The following GPC5 variants were observed in gnomAD, a reference collection of about 807,000 sequenced individuals.
The protein encoded by GPC5 is glypican-5.
Under a neutral mutation model 53.9 loss-of-function variants are expected in GPC5, and 47 were observed. The observed-to-expected ratio is 0.87, with a 90% CI of 0.69 to 1.11. GPC5 has a LOEUF of 1.11. Ranked by LOEUF, GPC5 falls within the 50% of genes most tolerant of loss-of-function variation. GPC5 has a pLI of 0.00. For synonymous variants in GPC5, 286 were observed against 263.3 expected (o/e 1.09, Z -0.84); for missense variants, 748 against 713.1 (o/e 1.05, Z -0.56).
chr13:92,181,117 A>G (rs1450054552), intron 7 of GPC5, among the ~76,000 whole-genome samples: 1 of 149,876 alleles, frequency 6.7e-6, no homozygotes, highest in East Asian at 2.0e-4. Context: ...ATAGTCCACA[A>G]TAGCTATAGC....
chr13:91,803,781 G>GAC (rs369314989), intron 5 of GPC5, among the ~76,000 whole-genome samples: 2,128 of 147,622 alleles, frequency 0.014, 23 homozygotes, highest in Middle Eastern at 0.021. Flanking sequence ...CAGACAGACA[G>GAC]ACACACACAC....
intron 6 of GPC5, among the ~76,000 whole-genome samples, chr13:91,951,870 T>A (rs1483852847): frequency 6.6e-6 from 1 of 152,158 alleles, no homozygotes; most frequent in Non-Finnish European, 1.5e-5. Context: ...TTTGTCTAAT[T>A]AGAAGTCTAT....
Position 92,171,227 on chromosome 13 carries a change from C to A in GPC5, c.1561+26238C>A, listed in dbSNP as rs183831722. 3.0e-3 allele frequency among the ~76,000 whole-genome samples: 462 copies of A among 152,280 alleles called. 4 individuals carry two copies. The highest frequency in any genetic ancestry group is 9.9e-3 in the African/African-American group (410 of 41,554). On this transcript the variant is annotated intron_variant, in intron 7 of 7. Coordinates refer to ENST00000377067, the MANE Select transcript of GPC5 (RefSeq NM_004466.6). ...CCACTTTTTTGTTCTATGTACCAGA[C>A]CCAGTTGCATCCTCAGAGACTTTGC...
At chr13:92,727,451 T>C (rs1351714911) in intron 7 of GPC5, among the ~76,000 whole-genome samples, 1 of 151,372 alleles carries the variant, frequency 6.6e-6, no homozygotes, top group Non-Finnish European at 1.5e-5. Flanking sequence ...TTCAAAATGC[T>C]TTTCCTTTGC....
intron 6 of GPC5, among the ~76,000 whole-genome samples, chr13:91,960,908 T>G (rs2040120021): frequency 6.6e-6 from 1 of 151,872 alleles, no homozygotes; most frequent in Non-Finnish European, 1.5e-5. Context: ...AAAATCAATT[T>G]AAGATAAAGA....
intron 6 of GPC5, chr13:91,995,328 C>T (rs1269775999): frequency 1.3e-5 from 2 of 152,084 alleles, no homozygotes; most frequent in Admixed American, 6.6e-5. Context: ...TTATCCATTT[C>T]GAATTTTGTA....
intron 7 of GPC5, among the ~76,000 whole-genome samples, chr13:92,517,524 T>C (rs778186808): frequency 7.9e-5 from 12 of 151,906 alleles, no homozygotes; most frequent in Admixed American, 3.3e-4. Flanking sequence ...CATTTGCTGT[T>C]ATATTCGCTG....
intron 7 of GPC5, among the ~76,000 whole-genome samples, chr13:92,841,561 T>A (rs1479171795): frequency 6.6e-6 from 1 of 152,084 alleles, no homozygotes; most frequent in Non-Finnish European, 1.5e-5. Flanking sequence ...CATCCGCATA[T>A]ACTTTTAAAT....
chr13:92,059,829 A>C (rs1186578134), intron 6 of GPC5: 1 of 151,986 alleles, frequency 6.6e-6, no homozygotes, highest in African/African-American at 2.4e-5. Context: ...TTTTAGGTGA[A>C]GTTCACATAA....
chr13:91,764,846 C>T (rs1043158300), intron 5 of GPC5, among the ~76,000 whole-genome samples: 3 of 152,186 alleles, frequency 2.0e-5, no homozygotes, highest in African/African-American at 7.2e-5. Flanking sequence ...AGAAATCATT[C>T]TTTGTGACTG....
chr13:92,386,625 A>G (rs1874738757), intron 7 of GPC5, among the ~76,000 whole-genome samples: 1 of 152,064 alleles, frequency 6.6e-6, no homozygotes, highest in South Asian at 2.1e-4. Context: ...ATAAATTTCC[A>G]TCCTCTTTTG....
intron 3 of GPC5, among the ~76,000 whole-genome samples, chr13:91,702,826 T>C (rs1299229777): frequency 6.6e-6 from 1 of 152,022 alleles, no homozygotes; most frequent in Non-Finnish European, 1.5e-5. Context: ...TTTTTATAGT[T>C]TTCAGTGTAC....
At chr13:92,633,887 G>A (rs1885335436) in intron 7 of GPC5, among the ~76,000 whole-genome samples, 1 of 152,034 alleles carries the variant, frequency 6.6e-6, no homozygotes, top group Non-Finnish European at 1.5e-5. Context: ...TTTTATATAT[G>A]TGTGCATGTG....
intron 7 of GPC5, among the ~76,000 whole-genome samples, chr13:92,845,673 C>T (rs1878588984): frequency 6.6e-6 from 1 of 152,104 alleles, no homozygotes; most frequent in South Asian, 2.1e-4. Flanking sequence ...CTGGGTATCC[C>T]ATGGCCCAGT....
intron 7 of GPC5, chr13:92,241,768 C>T (rs1323822364): frequency 1.3e-5 from 2 of 152,268 alleles, no homozygotes; most frequent in East Asian, 3.9e-4. Context: ...TAAAAATCGA[C>T]TTGAAAATAT....
At chr13:91,658,708 GGTCT>G (rs937229126) in intron 2 of GPC5, among the ~76,000 whole-genome samples, 31 of 152,132 alleles carry the variant, frequency 2.0e-4, no homozygotes, top group Non-Finnish European at 2.4e-4. Flanking sequence ...AGCTCTGTGG[GGTCT>G]GTCTGTCAGC....
intron 2 of GPC5, among the ~76,000 whole-genome samples, chr13:91,665,316 A>G (rs766950144): frequency 2.0e-5 from 3 of 152,214 alleles, no homozygotes; most frequent in South Asian, 2.1e-4. Context: ...TGACTATCAT[A>G]TAGAAATTAC....
rs1010438422 is a variant in GPC5 at position 91,643,246 on chromosome 13, A to T, written c.326-49941A>T. 7.8e-4 allele frequency among the ~76,000 whole-genome samples: 107 copies of T among 137,212 alleles called. 11 individuals are homozygous for T. The highest frequency in any genetic ancestry group is 3.3e-5 in the Non-Finnish European group (2 of 61,488). The allele number at this position is 137,212 out of a possible 152,430, so 90.0% of individuals were successfully genotyped here. A position where few individuals can be genotyped will look rare whatever the true frequency, so the allele number is the denominator to read the frequency against. The stretch of plus-strand genomic sequence containing the variant: ...TGGTGAACAGAGTGTAGATTGGTAT[A>T]AAAAAAACTGTAATTCCAAAATCAA... On this transcript the variant is annotated intron_variant, in intron 2 of 7. Coordinates refer to ENST00000377067, the MANE Select transcript of GPC5 (RefSeq NM_004466.6).
At chr13:91,495,788 C>T (rs1241250938) in intron 2 of GPC5, among the ~76,000 whole-genome samples, 3 of 152,162 alleles carry the variant, frequency 2.0e-5, no homozygotes, top group Admixed American at 1.3e-4. Context: ...TTTGGGAGGC[C>T]GAGGCGGGTG....
Sources: gnomAD v4.1 joint callset for allele counts (sites outside exome capture counted in the v4.1 genomes callset) on GRCh38, gnomAD v4.1.1 for gene constraint, MANE v1.5 for transcripts, NCBI Gene and HGNC (gene_info 2026-07-23, HGNC 2026-07-21) for gene names.